The following SLC24A2 variants were observed in gnomAD, a reference collection of about 807,000 sequenced individuals.
SLC24A2 encodes solute carrier family 24 member 2, also known as sodium/potassium/calcium exchanger 2.
SLC24A2 carries 36 observed loss-of-function variants against 62.0 expected under a neutral mutation model. That is an observed-to-expected ratio of 0.58 (90% CI 0.44 to 0.77). The LOEUF (loss-of-function observed/expected upper bound fraction) is 0.77. Among genes scored for constraint, SLC24A2 ranks in the 30% least tolerant of loss-of-function variants. SLC24A2 has a pLI of 0.00. For synonymous variants in SLC24A2, 358 were observed against 294.0 expected, an observed-to-expected ratio of 1.22 and a Z score of -2.23; for missense variants, 846 against 817.9, an observed-to-expected ratio of 1.03 and a Z score of -0.42.
intron 2 of SLC24A2, 36 bp from the exon 3 acceptor site, chr9:19,622,335 G>T (rs769681262): frequency 2.5e-6 from 4 of 1,595,194 alleles, no homozygotes; most frequent in African/African-American, 2.7e-5. Flanking sequence ...AAAAGACAAA[G>T]AAATAAATAA....
At chr9:19,712,426 G>A (rs1820741245) in intron 2 of SLC24A2, among the ~76,000 whole-genome samples, 1 of 152,136 alleles carries the variant, frequency 6.6e-6, no homozygotes, top group Non-Finnish European at 1.5e-5. Context: ...ACACATATGT[G>A]AAATCCTTGT....
At chr9:19,610,031 C>G (rs1837104531) in intron 4 of SLC24A2, among the ~76,000 whole-genome samples, 1 of 152,186 alleles carries the variant, frequency 6.6e-6, no homozygotes, top group African/African-American at 2.4e-5. Context: ...GAACTGGTAC[C>G]AGTCCATGGC....
chr9:19,528,220 T>C (rs886278490), intron 8 of SLC24A2, 82 bp from the exon 9 acceptor site: 1 of 913,912 alleles, frequency 1.1e-6, no homozygotes, highest in Non-Finnish European at 1.8e-6. Flanking sequence ...AAGCCACCAT[T>C]GTAGCAATTT....
the SLC24A2 span, among the ~76,000 whole-genome samples, chr9:20,239,518 A>ACT: frequency 0.57 from 86,981 of 151,868 alleles, 27,782 homozygotes; most frequent in East Asian, 0.86. Context: ...TGTTCCCCAG[A>ACT]CTACCTCATG....
chr9:19,743,221 G>A (rs539037996), intron 2 of SLC24A2, among the ~76,000 whole-genome samples: 1 of 152,178 alleles, frequency 6.6e-6, no homozygotes, highest in Non-Finnish European at 1.5e-5. Context: ...AGTTACGGCT[G>A]AGTTGGACAA....
chr9:19,920,300 G>A, the SLC24A2 span, among the ~76,000 whole-genome samples: 1 of 152,150 alleles, frequency 6.6e-6, no homozygotes, highest in Admixed American at 6.5e-5. Context: ...TTTGGTCAAT[G>A]CAGTATGGCA....
chr9:19,586,506 C>A (rs1215139053), intron 5 of SLC24A2, among the ~76,000 whole-genome samples: 1 of 148,738 alleles, frequency 6.7e-6, no homozygotes, highest in African/African-American at 2.6e-5. Flanking sequence ...ACTTGCCAGA[C>A]TTTCTGCTTG....
chr9:20,019,602 TA>T, the SLC24A2 span, among the ~76,000 whole-genome samples: 1 of 152,106 alleles, frequency 6.6e-6, no homozygotes, highest in Non-Finnish European at 1.5e-5. Flanking sequence ...ATGTAAGGCC[TA>T]AAACCATAAA....
At position 19,513,153 on chromosome 9, in the gene SLC24A2, G is replaced by GATAGATATATATATATAT. The variant is rs1554665663; in HGVS notation, c.*2999_*3000insATATATATATATATCTAT. 1.2e-5 allele frequency: 1 copy of GATAGATATATATATATAT among 80,594 alleles called. No individual in the cohort carries two copies. Among genetic ancestry groups the GATAGATATATATATATAT allele is most frequent in the African/African-American group, 4.7e-5 (1 of 21,204 alleles). The allele number at this position is 80,594 out of a possible 1,614,324, so 5.0% of individuals were successfully genotyped here. On this transcript the variant is annotated 3_prime_UTR_variant, in exon 11 of 11. Transcript: ENST00000341998. Reference sequence around the variant, plus strand: ...TGTGTACATATAGATCTGGTATAAAGATATATATATATATATATATATGTA... The same window carrying GATAGATATATATATATAT: ...TGTGTACATATAGATCTGGTATAAAGATAGATATATATATATATATATATATATATATATATATATGTA...
In SLC24A2 at chr9:19,565,365, A is replaced by G. The variant is rs575336808; in HGVS notation, c.1347+7986T>C. Among the ~76,000 whole-genome samples, 484 of 149,252 alleles carry G rather than the reference A, an allele frequency of 3.2e-3. 6 individuals carry two copies. The highest frequency in any genetic ancestry group is 0.011 in the African/African-American group (462 of 40,226). On this transcript the variant is annotated intron_variant, in intron 7 of 10. Transcript: ENST00000341998. ...AATCATGAGTGAACTCCCATTCACA[A>G]TTGCTTCAAAGAGAATAAAATACCT...
chr9:19,614,824 T>C (rs939662701), intron 4 of SLC24A2, among the ~76,000 whole-genome samples: 9 of 152,074 alleles, frequency 5.9e-5, no homozygotes, highest in African/African-American at 2.2e-4. Context: ...CCTTCCTTTG[T>C]AGGTGTTAAG....
At chr9:19,658,857 C>T in intron 2 of SLC24A2, among the ~76,000 whole-genome samples, 1 of 152,190 alleles carries the variant, frequency 6.6e-6, no homozygotes. Context: ...CACTGTCCAG[C>T]AGCCCGTTTC....
At chr9:20,299,515 A>G in the SLC24A2 span, among the ~76,000 whole-genome samples, 5 of 152,156 alleles carry the variant, frequency 3.3e-5, no homozygotes, top group African/African-American at 4.8e-5. Flanking sequence ...GGGGGCTCCA[A>G]TGTCTCATTT....
chr9:20,134,048 T>C, the SLC24A2 span, among the ~76,000 whole-genome samples: 2 of 152,138 alleles, frequency 1.3e-5, no homozygotes, highest in Admixed American at 1.3e-4. Context: ...TTTAGGGAAC[T>C]AACCCAACGA....
chr9:19,864,182 C>G, the SLC24A2 span, among the ~76,000 whole-genome samples: 4 of 151,728 alleles, frequency 2.6e-5, no homozygotes, highest in Non-Finnish European at 4.4e-5. Flanking sequence ...AGATTGAAGC[C>G]ATGATAAAAA....
chr9:20,242,532 G>C, the SLC24A2 span, among the ~76,000 whole-genome samples: 2 of 152,242 alleles, frequency 1.3e-5, no homozygotes, highest in Non-Finnish European at 2.9e-5. Flanking sequence ...CTGTTCCCAA[G>C]TCAGGGCCCC....
chr9:20,176,543 G>A, the SLC24A2 span, among the ~76,000 whole-genome samples: 5 of 151,960 alleles, frequency 3.3e-5, no homozygotes, highest in Admixed American at 2.0e-4. Flanking sequence ...AAATAAACTC[G>A]GAAAGGGACT....
chr9:20,051,410 T>G, the SLC24A2 span, among the ~76,000 whole-genome samples: 1 of 152,100 alleles, frequency 6.6e-6, no homozygotes, highest in African/African-American at 2.4e-5. Context: ...TGGGACATTT[T>G]ATATATCTCA....
intron 2 of SLC24A2, among the ~76,000 whole-genome samples, chr9:19,768,646 A>G (rs1324533538): frequency 2.6e-5 from 4 of 152,244 alleles, no homozygotes; most frequent in Non-Finnish European, 5.9e-5. Flanking sequence ...GAGCGACAGC[A>G]CAAAATTTCA....
Sources: allele counts gnomAD v4.1 joint callset (sites outside exome capture counted in the v4.1 genomes callset), GRCh38; gene constraint gnomAD v4.1.1; transcripts MANE v1.5; gene names NCBI Gene and HGNC (gene_info 2026-07-23, HGNC 2026-07-21).